The following CUL5 variants were observed in gnomAD, a reference collection of about 807,000 sequenced individuals.
CUL5 encodes cullin-5.
A neutral mutation model predicts 108.8 loss-of-function variants in CUL5; 26 were observed. The observed-to-expected ratio is 0.24, with a 90% CI of 0.18 to 0.33. CUL5 has a LOEUF of 0.33. Among genes scored for constraint, CUL5 ranks in the 10% least tolerant of loss-of-function variants. The pLI, the probability that CUL5 is intolerant of heterozygous loss-of-function variation, is 1.00. For missense variants in CUL5, 524 were observed against 909.2 expected, an observed-to-expected ratio of 0.58 and a Z score of 5.45; for synonymous variants, 334 against 298.0, an observed-to-expected ratio of 1.12 and a Z score of -1.25.
chr11:108,013,565 G>C (rs941576684), intron 1 of CUL5, among the ~76,000 whole-genome samples: 1 of 151,820 alleles, frequency 6.6e-6, no homozygotes, highest in East Asian at 1.9e-4. Context: ...GCCAGAGGTC[G>C]TCATCTCCCT....
At chr11:108,033,157 C>T (rs1304869440) in intron 1 of CUL5, among the ~76,000 whole-genome samples, 2 of 152,130 alleles carry the variant, frequency 1.3e-5, no homozygotes, top group Non-Finnish European at 2.9e-5. Context: ...GTTCCAAATG[C>T]GAGCTTATCT....
In CUL5 at chr11:108,089,562, G is replaced by A; in HGVS notation, c.1382G>A (p.Arg461His). ...MRYHKAHLTR[R>H]LILDISADSE... ...TATCATAAAGCTCATTTGACACGACGTCTTATATTAGACATCTCTGCCGAT... is the reference window on the plus strand; with the variant it reads ...TATCATAAAGCTCATTTGACACGACATCTTATATTAGACATCTCTGCCGAT... The change falls in exon 13 of 19, where the codon CGT (arginine) becomes CAT (histidine). Residue 461 changes from arginine (R) to histidine (H), a missense_variant. Physicochemically the swap from Arg to His is conservative, Grantham distance 29. Coordinates refer to ENST00000393094, the MANE Select transcript of CUL5 (RefSeq NM_003478.6). 2 of 1,565,774 alleles carry A rather than the reference G, an allele frequency of 1.3e-6. No individual in the cohort carries two copies. Among genetic ancestry groups the A allele is most frequent in the Non-Finnish European group, 1.7e-6 (2 of 1,160,744 alleles).
chr11:108,089,142 C>T (rs1329795996), intron 12 of CUL5, among the ~76,000 whole-genome samples: 1 of 150,884 alleles, frequency 6.6e-6, no homozygotes, highest in Admixed American at 6.6e-5. Context: ...ACAGAAAGGC[C>T]GAGAGAGATG....
At position 108,070,140 on chromosome 11, in the gene CUL5, G is replaced by A; in HGVS notation, c.825G>A (p.Glu275=). ...CVNALVTSFK[E]TILAECQGMI... ...ATGCCCTGGTGACATCATTTAAAGA[G>A]ACTATCTTAGCTGAGTGCCAAGGCA... The change falls in exon 8 of 19, where the codon GAG becomes GAA. Residue 275 remains glutamate (E), a synonymous_variant. Coordinates refer to ENST00000393094, the MANE Select transcript of CUL5 (RefSeq NM_003478.6). 1.2e-6 allele frequency: 2 copies of A among 1,612,112 alleles called. No individual in the cohort carries two copies. The highest frequency in any genetic ancestry group is 1.7e-6 in the Non-Finnish European group (2 of 1,178,806).
At chr11:108,082,635 C>G (rs561390923) in intron 11 of CUL5, among the ~76,000 whole-genome samples, 11 of 151,600 alleles carry the variant, frequency 7.3e-5, no homozygotes, top group Non-Finnish European at 1.5e-4. Context: ...AAAAACACAA[C>G]TGATTTTTTT....
chr11:108,035,284 T>C (rs1862705806), intron 2 of CUL5, among the ~76,000 whole-genome samples: 1 of 152,164 alleles, frequency 6.6e-6, no homozygotes. Flanking sequence ...AATCTCCATA[T>C]CAGATACATA....
Position 108,040,360 on chromosome 11 carries a change from C to G in CUL5, c.135-5910C>G, listed in dbSNP as rs142110580. On this transcript the variant is annotated intron_variant, in intron 2 of 18. Coordinates refer to ENST00000393094, the MANE Select transcript of CUL5 (RefSeq NM_003478.6). ...GGTGTGGTGGCTCATGCCGGTAATC[C>G]CAGCACTTTGGGAGGCGAAGGCAGG... is the stretch of plus-strand genomic sequence containing the variant. Among the ~76,000 whole-genome samples the G allele has an allele frequency of 1.0e-2, 1,515 of 152,224 alleles. 30 individuals are homozygous for G. Among genetic ancestry groups the G allele is most frequent in the African/African-American group, 0.035 (1,442 of 41,536 alleles).
intron 1 of CUL5, 93 bp from the exon 2 acceptor site, chr11:108,033,709 C>T (rs1428274153): frequency 2.7e-6 from 2 of 734,136 alleles, no homozygotes; most frequent in African/African-American, 3.6e-5. Flanking sequence ...AATTTGAGCC[C>T]TTCATTTCTC....
In CUL5 at chr11:108,009,249, C is replaced by A; in HGVS notation, c.-100C>A. The A allele has an allele frequency of 7.4e-7, 1 of 1,347,164 alleles. No individual in the cohort carries two copies. Among genetic ancestry groups the A allele is most frequent in the Non-Finnish European group, 1.1e-6 (1 of 952,364 alleles). 83.5% of individuals were successfully genotyped at this position (1,347,164 alleles called of 1,614,324 possible). ...CCCACCACACCCTGGTGCGGGCCGACGGGCCCTGGGCCCTGGTGGGAGCTC... is the reference window on the plus strand; with the variant it reads ...CCCACCACACCCTGGTGCGGGCCGAAGGGCCCTGGGCCCTGGTGGGAGCTC... On this transcript the variant is annotated 5_prime_UTR_variant, in exon 1 of 19. Coordinates refer to ENST00000393094, the MANE Select transcript of CUL5 (RefSeq NM_003478.6).
intron 1 of CUL5, among the ~76,000 whole-genome samples, chr11:108,015,742 G>A (rs901646534): frequency 9.2e-5 from 14 of 152,114 alleles, no homozygotes; most frequent in African/African-American, 3.4e-4. Flanking sequence ...GAAAATAAAT[G>A]ATTGAACAAT....
chr11:108,076,157 C>G (rs919055575), intron 10 of CUL5, among the ~76,000 whole-genome samples: 9 of 152,042 alleles, frequency 5.9e-5, no homozygotes, highest in Non-Finnish European at 1.3e-4. Context: ...CTCAGCCTCC[C>G]GAGTAGCTGG....
At chr11:108,031,971 A>C (rs1271114386) in intron 1 of CUL5, among the ~76,000 whole-genome samples, 1 of 152,212 alleles carries the variant, frequency 6.6e-6, no homozygotes. Flanking sequence ...CTAAATGATG[A>C]GAACACATGA....
intron 13 of CUL5, among the ~76,000 whole-genome samples, chr11:108,091,931 G>A (rs1864373233): frequency 6.6e-6 from 1 of 152,044 alleles, no homozygotes; most frequent in African/African-American, 2.4e-5. Context: ...GAAGCCAGGA[G>A]TTAGAAACTA....
chr11:108,031,957 G>A (rs547148807), intron 1 of CUL5, among the ~76,000 whole-genome samples: 1 of 152,250 alleles, frequency 6.6e-6, no homozygotes. Flanking sequence ...CTTATAAGTG[G>A]GAGCTAAATG....
At position 108,068,698 on chromosome 11, in the gene CUL5, C is replaced by G. The variant is rs537155924; in HGVS notation, c.781-1398C>G. Among the ~76,000 whole-genome samples, 6 of 152,192 alleles carry G rather than the reference C, an allele frequency of 3.9e-5. No homozygotes were observed. The East Asian group carries it at 1.2e-3, about 29-fold the overall frequency. On this transcript the variant is annotated intron_variant, in intron 7 of 18. Transcript: ENST00000393094. ...TGTACTTAACTTTAGTCCTCACAAC[C>G]TATTAATTTCATCTGATCCCCAAAA...
Position 108,094,384 on chromosome 11 carries a change from T to C in CUL5, c.1444-7T>C. 6.4e-7 allele frequency: 1 copy of C among 1,571,458 alleles called. No individual in the cohort carries two copies. The highest frequency in any genetic ancestry group is 8.6e-7 in the Non-Finnish European group (1 of 1,161,512). On this transcript the variant is annotated splice_polypyrimidine_tract_variant and splice_region_variant and intron_variant, in intron 13 of 18. Coordinates refer to ENST00000393094, the MANE Select transcript of CUL5 (RefSeq NM_003478.6). ...TTACCTCTTCCTTCTTTGGTTTATA[T>C]TTATAGGAAGTTGGTATGCCAGCGG...
intron 1 of CUL5, among the ~76,000 whole-genome samples, chr11:108,011,469 A>G (rs932609559): frequency 1.3e-5 from 2 of 152,194 alleles, no homozygotes; most frequent in African/African-American, 4.8e-5. Context: ...ACAAGAATTT[A>G]AAAAGTGTTT....
rs1363751757 is a variant in CUL5, at chr11:108,072,499, C to G, written c.1005+37C>G. ...TTCAATGGCAATGATAGATATATAT[C>G]AAGGCTATTTTTTAAATGTAGGATT... is the stretch of plus-strand genomic sequence containing the variant. On this transcript the variant is annotated intron_variant, in intron 9 of 18. Coordinates refer to ENST00000393094, the MANE Select transcript of CUL5 (RefSeq NM_003478.6). 1.7e-5 allele frequency: 26 copies of G among 1,539,220 alleles called. No homozygotes were observed. The East Asian group carries it at 5.9e-4, about 35-fold the overall frequency.
In CUL5 at chr11:108,065,723, G is replaced by A. The variant is rs528350365; in HGVS notation, c.781-4373G>A. Among the ~76,000 whole-genome samples, 6 of 152,282 alleles carry A rather than the reference G, an allele frequency of 3.9e-5. No homozygotes were observed. In the South Asian group the frequency reaches 1.2e-3, roughly 32 times the overall value. On this transcript the variant is annotated intron_variant, in intron 7 of 18. Transcript: ENST00000393094. ...AAGACTATCTTTCCTACCCTCTTCA[G>A]TGCCTCTTGCAGTGACATGAAGTTA...
Sources: gnomAD v4.1 joint callset for allele counts (sites outside exome capture counted in the v4.1 genomes callset) on GRCh38, gnomAD v4.1.1 for gene constraint, MANE v1.5 for transcripts, NCBI Gene and HGNC (gene_info 2026-07-23, HGNC 2026-07-21) for gene names.